Variants in PID1 observed in about 807,000 individuals in gnomAD.
PID1 encodes the protein phosphotyrosine interaction domain containing 1.
A neutral mutation model predicts 19.1 loss-of-function variants in PID1; 10 were observed. That is an observed-to-expected ratio of 0.52 (90% CI 0.32 to 0.89). PID1 has a LOEUF of 0.89. Ranked by LOEUF, PID1 falls within the 40% of genes least tolerant of loss-of-function variation. The pLI, the probability that PID1 is intolerant of heterozygous loss-of-function variation, is 0.03. For synonymous variants in PID1, 130 were observed against 116.0 expected (o/e 1.12, Z -0.78); for missense variants, 248 against 285.3 (o/e 0.87, Z 0.94).
intron 2 of PID1, among the ~76,000 whole-genome samples, chr2:229,061,122 T>C: frequency 6.6e-6 from 1 of 152,014 alleles, no homozygotes. Context: ...TGCAATCTTA[T>C]TTATTTTTTG....
intron 1 of PID1, among the ~76,000 whole-genome samples, chr2:229,185,480 G>GA (rs1183866757): frequency 6.6e-6 from 1 of 151,934 alleles, no homozygotes; most frequent in Non-Finnish European, 1.5e-5. Context: ...ACAATCTACA[G>GA]AAAAAAAGAG....
intron 1 of PID1, among the ~76,000 whole-genome samples, chr2:229,237,056 T>C (rs566833544): frequency 6.6e-6 from 1 of 151,776 alleles, no homozygotes; most frequent in Non-Finnish European, 1.5e-5. Context: ...GATCTAAGTA[T>C]TTTGGAAATC....
chr2:229,160,198 C>T (rs1170739400), intron 1 of PID1, among the ~76,000 whole-genome samples: 1 of 152,162 alleles, frequency 6.6e-6, no homozygotes, highest in Non-Finnish European at 1.5e-5. Context: ...ACCACACTGC[C>T]TGGAAGTTCC....
chr2:229,205,345 A>T (rs150528255), intron 1 of PID1, among the ~76,000 whole-genome samples: 1 of 152,218 alleles, frequency 6.6e-6, no homozygotes, highest in Non-Finnish European at 1.5e-5. Context: ...ACATGTATGA[A>T]TCACTAAGTA....
rs558250924 is a variant in PID1 at position 229,227,229 on chromosome 2, T to C, written c.30+43785A>G. 1.1e-4 allele frequency among the ~76,000 whole-genome samples: 16 copies of C among 152,338 alleles called. No homozygotes were observed. The South Asian group carries it at 3.3e-3, about 32-fold the overall frequency. Reference sequence around the variant, plus strand: ...TATGATAGCCACTAGCCTTGCAACATATGACTACTTAAATTTAAATTTACT... The same window carrying C: ...TATGATAGCCACTAGCCTTGCAACACATGACTACTTAAATTTAAATTTACT... On this transcript the variant is annotated intron_variant, in intron 1 of 2. Transcript: ENST00000392055.
chr2:229,160,547 C>T (rs1394515309), intron 1 of PID1, among the ~76,000 whole-genome samples: 1 of 152,128 alleles, frequency 6.6e-6, no homozygotes, highest in Non-Finnish European at 1.5e-5. Context: ...TATATGCAGC[C>T]AAATACTGTG....
At chr2:229,142,595 A>G (rs1336825073) in intron 2 of PID1, among the ~76,000 whole-genome samples, 1 of 152,200 alleles carries the variant, frequency 6.6e-6, no homozygotes, top group East Asian at 1.9e-4. Flanking sequence ...ACATGAAAAA[A>G]TGCTCATCAT....
At chr2:229,064,227 C>T (rs1353407399) in intron 2 of PID1, among the ~76,000 whole-genome samples, 1 of 151,996 alleles carries the variant, frequency 6.6e-6, no homozygotes, top group Non-Finnish European at 1.5e-5. Flanking sequence ...GAGGCTATTG[C>T]AGTAGTTACA....
At chr2:229,125,823 C>T (rs1223926873) in intron 2 of PID1, among the ~76,000 whole-genome samples, 1 of 152,146 alleles carries the variant, frequency 6.6e-6, no homozygotes, top group African/African-American at 2.4e-5. Flanking sequence ...GGAGCCTAGC[C>T]TTCATGCAGG....
At chr2:229,050,168 A>G (rs531426710) in intron 2 of PID1, among the ~76,000 whole-genome samples, 39 of 152,300 alleles carry the variant, frequency 2.6e-4, no homozygotes, top group African/African-American at 9.1e-4. Context: ...GGGCAAGACA[A>G]GAGACTCTAA....
intron 1 of PID1, among the ~76,000 whole-genome samples, chr2:229,205,430 C>T (rs893427089): frequency 2.6e-5 from 4 of 152,068 alleles, no homozygotes; most frequent in South Asian, 2.1e-4. Context: ...TAAAACCTGC[C>T]GCAAATTCAC....
chr2:229,069,660 T>C (rs1167840436), intron 2 of PID1, among the ~76,000 whole-genome samples: 1 of 152,148 alleles, frequency 6.6e-6, no homozygotes, highest in Non-Finnish European at 1.5e-5. Context: ...GGGGAGAGGA[T>C]ACAGAATTCA....
At chr2:229,262,870 C>A (rs1003932618) in intron 1 of PID1, 12 of 1,534,686 alleles carry the variant, frequency 7.8e-6, no homozygotes, top group South Asian at 1.2e-5. Context: ...TTCTCTGTGC[C>A]GCTTCTGTGT....
chr2:229,115,074 C>G (rs1313392447), intron 2 of PID1, among the ~76,000 whole-genome samples: 1 of 152,060 alleles, frequency 6.6e-6, no homozygotes, highest in African/African-American at 2.4e-5. Context: ...ATTCAATTTC[C>G]TATCTTACCT....
intron 1 of PID1, among the ~76,000 whole-genome samples, chr2:229,157,461 T>C (rs1053791549): frequency 2.0e-5 from 3 of 151,750 alleles, no homozygotes; most frequent in African/African-American, 7.3e-5. Context: ...AATAATGTTA[T>C]TTTGAACTTG....
intron 2 of PID1, among the ~76,000 whole-genome samples, chr2:229,152,002 G>A (rs751104164): frequency 2.0e-5 from 3 of 152,204 alleles, no homozygotes; most frequent in Non-Finnish European, 4.4e-5. Flanking sequence ...CACACACAGT[G>A]CTCACATCTG....
chr2:229,156,078 A>T lies in PID1; in HGVS notation c.31-114T>A, dbSNP rs1690367816. 4 of 857,294 alleles carry T rather than the reference A, an allele frequency of 4.7e-6. No individual in the cohort carries two copies. The East Asian group carries it at 1.0e-4, about 22-fold the overall frequency. 53.1% of individuals were successfully genotyped at this position (857,294 alleles called of 1,614,324 possible). ...TTTATTGACTCTGTTCTATTAGGGGAGGCCAAGAGATATTTAGTAAAACAG... is the reference window on the plus strand; with the variant it reads ...TTTATTGACTCTGTTCTATTAGGGGTGGCCAAGAGATATTTAGTAAAACAG... On this transcript the variant is annotated intron_variant, in intron 1 of 2. Coordinates refer to ENST00000392055, the MANE Select transcript of PID1 (RefSeq NM_001100818.2).
intron 2 of PID1, among the ~76,000 whole-genome samples, chr2:229,108,939 T>C (rs999966053): frequency 6.6e-6 from 1 of 152,124 alleles, no homozygotes; most frequent in Non-Finnish European, 1.5e-5. Context: ...TCAGCAAAAA[T>C]TGGGATACTT....
intron 1 of PID1, among the ~76,000 whole-genome samples, chr2:229,195,002 T>C (rs555670414): frequency 2.0e-4 from 31 of 151,882 alleles, no homozygotes; most frequent in Non-Finnish European, 4.0e-4. Context: ...TTGTTTTTAG[T>C]TTATATCTTA....
Sources: gnomAD v4.1 joint callset for allele counts (sites outside exome capture counted in the v4.1 genomes callset) on GRCh38, gnomAD v4.1.1 for gene constraint, MANE v1.5 for transcripts, NCBI Gene and HGNC (gene_info 2026-07-23, HGNC 2026-07-21) for gene names.